Variants in UNC13C observed in about 807,000 individuals in gnomAD.
UNC13C encodes unc-13 homolog C.
UNC13C carries 174 observed loss-of-function variants against 245.4 expected under a neutral mutation model. The ratio of observed to expected loss-of-function variants is 0.71; its 90% CI spans 0.63 to 0.80. UNC13C has a LOEUF of 0.80. Ranked by LOEUF, UNC13C falls within the 30% of genes least tolerant of loss-of-function variation. UNC13C has a pLI of 0.00. For missense variants in UNC13C, 2,829 were observed against 2,602.9 expected, an observed-to-expected ratio of 1.09 and a Z score of -1.89; for synonymous variants, 992 against 895.1, an observed-to-expected ratio of 1.11 and a Z score of -1.93.
intron 24 of UNC13C, among the ~76,000 whole-genome samples, chr15:54,522,599 A>T (rs537549281): frequency 6.6e-6 from 1 of 152,202 alleles, no homozygotes; most frequent in Non-Finnish European, 1.5e-5. Flanking sequence ...ATGGTGTAAA[A>T]CTCAGTTAAT....
chr15:54,506,557 T>C (rs952334279), intron 22 of UNC13C, among the ~76,000 whole-genome samples: 33 of 152,084 alleles, frequency 2.2e-4, no homozygotes, highest in African/African-American at 8.0e-4. Context: ...CTGTGTGTTA[T>C]CTCTTATTTC....
chr15:54,236,458 A>C, intron 6 of UNC13C, 23 bp downstream of exon 6: 2 of 1,586,846 alleles, frequency 1.3e-6, no homozygotes, highest in South Asian at 1.1e-5. Flanking sequence ...CTATTTATTT[A>C]ATTAATATTT....
At chr15:54,423,013 A>T (rs1398739065) in intron 19 of UNC13C, among the ~76,000 whole-genome samples, 1 of 151,792 alleles carries the variant, frequency 6.6e-6, no homozygotes, top group Non-Finnish European at 1.5e-5. Context: ...AAATATAAAC[A>T]TCATGATAAA....
the UNC13C span, among the ~76,000 whole-genome samples, chr15:53,961,253 A>G: frequency 6.6e-6 from 1 of 152,250 alleles, no homozygotes; most frequent in Non-Finnish European, 1.5e-5. Context: ...GCACCGGACC[A>G]TGAAGCCCCT....
chr15:53,854,663 T>C, the UNC13C span, among the ~76,000 whole-genome samples: 1 of 152,200 alleles, frequency 6.6e-6, no homozygotes, highest in Non-Finnish European at 1.5e-5. Context: ...TGTGTCTGTT[T>C]TTGTACCAGT....
chr15:54,200,021 T>C (rs531800593), intron 4 of UNC13C, among the ~76,000 whole-genome samples: 9 of 152,048 alleles, frequency 5.9e-5, no homozygotes, highest in Admixed American at 2.0e-4. Flanking sequence ...CAAAAGTGAC[T>C]AGGAGTAGCT....
At chr15:54,257,613 T>C (rs1473708615) in intron 8 of UNC13C, among the ~76,000 whole-genome samples, 2 of 152,190 alleles carry the variant, frequency 1.3e-5, no homozygotes, top group African/African-American at 4.8e-5. Context: ...TACCTTCTTG[T>C]ATTTTCCCAC....
chr15:54,525,141 C>A (rs1382523084), intron 24 of UNC13C, among the ~76,000 whole-genome samples: 2 of 151,996 alleles, frequency 1.3e-5, no homozygotes, highest in Non-Finnish European at 2.9e-5. Flanking sequence ...TCTTAATGTG[C>A]CTATTTATTT....
At chr15:54,111,305 A>C in intron 2 of UNC13C, among the ~76,000 whole-genome samples, 1 of 152,250 alleles carries the variant, frequency 6.6e-6, no homozygotes, top group East Asian at 1.9e-4. Context: ...CCTTGGTAGA[A>C]AATGACTTTA....
chr15:54,253,039 A>C (rs559607097), intron 8 of UNC13C, among the ~76,000 whole-genome samples: 1 of 152,300 alleles, frequency 6.6e-6, no homozygotes, highest in South Asian at 2.1e-4. Context: ...AGTTTTCTAT[A>C]GGTTTCTAGT....
At chr15:54,297,408 C>T (rs1010737499) in intron 11 of UNC13C, among the ~76,000 whole-genome samples, 1 of 151,784 alleles carries the variant, frequency 6.6e-6, no homozygotes, top group African/African-American at 2.4e-5. Context: ...GGTGAAGTGC[C>T]CTGGTGTGAT....
Position 54,415,046 on chromosome 15 carries a change from G to C in UNC13C, c.4912G>C (p.Asp1638His), listed in dbSNP as rs1319191549. The C allele has an allele frequency of 5.0e-6, 8 of 1,610,380 alleles. No homozygotes were observed. Among genetic ancestry groups the C allele is most frequent in the African/African-American group, 1.3e-5 (1 of 74,764 alleles). Residue 1638 changes from aspartate to histidine, a missense_variant, in exon 19 of 33, where the codon GAT (aspartate) becomes CAT (histidine). Physicochemically the swap from Asp to His is moderately conservative, Grantham distance 81. Transcript: ENST00000260323. ...AATTATGTGGACTCTTTTTGCTCTG[G>C]ATATGAAATATGCATTAGAAGGTAA... ...AEIMWTLFAL[D>H]MKYALEEHEN...
At chr15:54,575,357 G>A (rs765700537) in intron 30 of UNC13C, among the ~76,000 whole-genome samples, 10 of 152,182 alleles carry the variant, frequency 6.6e-5, no homozygotes, top group Non-Finnish European at 1.5e-4. Context: ...ATTGTCAGGT[G>A]TAAAATTTGG....
chr15:54,566,737 A>T (rs1348003507), intron 29 of UNC13C, among the ~76,000 whole-genome samples: 2 of 152,122 alleles, frequency 1.3e-5, no homozygotes, highest in East Asian at 3.9e-4. Context: ...AATAGGGAAA[A>T]AAAAACTGAG....
chr15:53,991,896 G>T (rs1302580101), intron 1 of UNC13C, among the ~76,000 whole-genome samples: 1 of 152,002 alleles, frequency 6.6e-6, no homozygotes, highest in Non-Finnish European at 1.5e-5. Context: ...ATGTTGTTCA[G>T]AATCTCACAA....
At chr15:54,229,048 G>A (rs1351314833) in intron 4 of UNC13C, among the ~76,000 whole-genome samples, 1 of 152,208 alleles carries the variant, frequency 6.6e-6, no homozygotes, top group African/African-American at 2.4e-5. Context: ...GTCCCCACTT[G>A]CTAGGGCTGG....
chr15:54,195,493 A>G (rs996894797), intron 4 of UNC13C, among the ~76,000 whole-genome samples: 17 of 152,132 alleles, frequency 1.1e-4, no homozygotes, highest in African/African-American at 4.1e-4. Context: ...TACTGTTTGG[A>G]TAGCGAGGTG....
chr15:54,015,767 T>A lies in UNC13C; in HGVS notation c.2864T>A (p.Ile955Asn). ...ATAAGAGAAGATGAAAACCAAAACA[T>A]TCCTGAACAGCCAGTGGAGATCACA... ...MEIREDENQN[I>N]PEQPVEITKP... Residue 955 changes from isoleucine (I) to asparagine (N), a missense_variant, in exon 2 of 33, where the codon ATT becomes AAT. Ile to Asn is a moderately radical substitution (Grantham distance 149, BLOSUM62 -3). Coordinates refer to ENST00000260323, the MANE Select transcript of UNC13C (RefSeq NM_001080534.3). 1 of 1,612,786 alleles carries A rather than the reference T, an allele frequency of 6.2e-7. No homozygotes were observed. Among genetic ancestry groups the A allele is most frequent in the Non-Finnish European group, 8.5e-7 (1 of 1,179,300 alleles).
intron 1 of UNC13C, among the ~76,000 whole-genome samples, chr15:53,997,599 G>A (rs533131571): frequency 1.3e-5 from 2 of 152,038 alleles, no homozygotes; most frequent in East Asian, 1.9e-4. Flanking sequence ...ATTGTTCCAG[G>A]ATCATTTATT....
Sources: gnomAD v4.1 joint callset for allele counts (sites outside exome capture counted in the v4.1 genomes callset) on GRCh38, gnomAD v4.1.1 for gene constraint, MANE v1.5 for transcripts, NCBI Gene and HGNC (gene_info 2026-07-23, HGNC 2026-07-21) for gene names.